ADAMTSL1: variants seen among roughly 807,000 people sequenced by gnomAD.
ADAMTSL1 encodes ADAMTS-like protein 1.
Under a neutral mutation model 201.8 loss-of-function variants are expected in ADAMTSL1, and 126 were observed. The observed-to-expected ratio is 0.62, with a 90% CI of 0.54 to 0.72. The LOEUF (loss-of-function observed/expected upper bound fraction) is 0.72. Among genes scored for constraint, ADAMTSL1 ranks in the 30% least tolerant of loss-of-function variants. The pLI, the probability that ADAMTSL1 is intolerant of heterozygous loss-of-function variation, is 0.00. For missense variants in ADAMTSL1, 2,679 were observed against 2,277.8 expected (o/e 1.18, Z -3.59); for synonymous variants, 1,121 against 903.4 (o/e 1.24, Z -4.32).
chr9:18,813,880 G>T (rs1424636145), intron 20 of ADAMTSL1, among the ~76,000 whole-genome samples: 1 of 152,142 alleles, frequency 6.6e-6, no homozygotes, highest in Non-Finnish European at 1.5e-5. Flanking sequence ...GGATATTCTT[G>T]TCTGGTTCCA....
At chr9:18,421,553 T>A (rs1173154154) in intron 2 of ADAMTSL1, among the ~76,000 whole-genome samples, 1 of 152,212 alleles carries the variant, frequency 6.6e-6, no homozygotes, top group African/African-American at 2.4e-5. Flanking sequence ...AAGCTTCCCA[T>A]GTGCTGGCTG....
At chr9:18,167,232 G>GA (rs1827674127) in intron 2 of ADAMTSL1, among the ~76,000 whole-genome samples, 1 of 151,962 alleles carries the variant, frequency 6.6e-6, no homozygotes, top group Non-Finnish European at 1.5e-5. Context: ...ATTCATTAAA[G>GA]AATGAGGTTT....
intron 2 of ADAMTSL1, among the ~76,000 whole-genome samples, chr9:18,178,836 C>G (rs1241490755): frequency 6.6e-6 from 1 of 152,132 alleles, no homozygotes; most frequent in Non-Finnish European, 1.5e-5. Context: ...GGAAGGAAAA[C>G]TAACAAACAG....
In ADAMTSL1 at chr9:18,389,715, C is replaced by A. The variant is rs570048673; in HGVS notation, c.208-115114C>A. Among the ~76,000 whole-genome samples, 43 of 152,186 alleles carry A rather than the reference C, an allele frequency of 2.8e-4. No homozygotes were observed. In the South Asian group the frequency reaches 8.5e-3, roughly 30 times the overall value. On this transcript the variant is annotated intron_variant, in intron 2 of 29. Transcript: ENST00000680146. ...TTAATTTCTGAACACAGGAGTTAAT[C>A]GTGGTGAGTACTTGATAAATAAAAA... is the stretch of plus-strand genomic sequence containing the variant.
intron 22 of ADAMTSL1, among the ~76,000 whole-genome samples, chr9:18,828,681 TATATATATATATAAA>T (rs1824765923): frequency 8.7e-6 from 1 of 115,530 alleles, no homozygotes; most frequent in South Asian, 2.8e-4. Context: ...TATATATATA[TATATATATATATAAA>T]ATGTGTGTGT....
intron 2 of ADAMTSL1, among the ~76,000 whole-genome samples, chr9:18,358,864 C>T (rs1223545319): frequency 5.9e-5 from 9 of 152,158 alleles, no homozygotes; most frequent in Admixed American, 5.2e-4. Flanking sequence ...TGTGAACTTA[C>T]ATTTTCAATT....
At chr9:18,271,498 C>G (rs1832366885) in intron 2 of ADAMTSL1, among the ~76,000 whole-genome samples, 1 of 152,128 alleles carries the variant, frequency 6.6e-6, no homozygotes, top group Non-Finnish European at 1.5e-5. Flanking sequence ...CTACAAAGGA[C>G]ATGAACTCAT....
At chr9:18,849,791 T>G (rs917007245) in intron 23 of ADAMTSL1, among the ~76,000 whole-genome samples, 1 of 152,238 alleles carries the variant, frequency 6.6e-6, no homozygotes, top group Non-Finnish European at 1.5e-5. Flanking sequence ...AATGCTTTGC[T>G]ATTAAGAAGA....
chr9:18,806,443 A>G (rs1298628674), intron 20 of ADAMTSL1, among the ~76,000 whole-genome samples: 6 of 152,200 alleles, frequency 3.9e-5, no homozygotes, highest in Admixed American at 3.9e-4. Flanking sequence ...ACTCTCTGCC[A>G]TGGCTTCTAA....
intron 7 of ADAMTSL1, among the ~76,000 whole-genome samples, chr9:18,642,987 A>AT (rs1371204789): frequency 6.6e-6 from 1 of 151,992 alleles, no homozygotes; most frequent in Middle Eastern, 3.4e-3. Context: ...TGTTTTTCAA[A>AT]TTTTTTTAGA....
Position 18,884,140 on chromosome 9 carries a change from G to T in ADAMTSL1, c.4250-3691G>T, listed in dbSNP as rs75283038. On this transcript the variant is annotated intron_variant, in intron 23 of 28. Coordinates refer to ENST00000380548, the MANE Select transcript of ADAMTSL1 (RefSeq NM_001040272.6). ...GGGTATGCAGTGGTAACTCATGGTG[G>T]CTTTAATTTGCATTTTCCTAATGAT... Among the ~76,000 whole-genome samples, 1,042 of 152,190 alleles carry T rather than the reference G, an allele frequency of 6.8e-3. 15 individuals carry two copies. Among genetic ancestry groups the T allele is most frequent in the African/African-American group, 0.023 (972 of 41,510 alleles).
At chr9:18,585,622 C>T (rs1823435905) in intron 4 of ADAMTSL1, among the ~76,000 whole-genome samples, 1 of 152,044 alleles carries the variant, frequency 6.6e-6, no homozygotes. Context: ...CATCCTGATA[C>T]CAAAACCTGG....
chr9:18,394,006 T>C (rs2133234354), intron 2 of ADAMTSL1, among the ~76,000 whole-genome samples: 1 of 152,310 alleles, frequency 6.6e-6, no homozygotes, highest in Middle Eastern at 3.4e-3. Context: ...GCTAAAAGCA[T>C]TGCAGATGAT....
At chr9:18,615,361 G>C (rs1219540700) in intron 4 of ADAMTSL1, among the ~76,000 whole-genome samples, 2 of 152,186 alleles carry the variant, frequency 1.3e-5, no homozygotes, top group Non-Finnish European at 2.9e-5. Flanking sequence ...TGTTGGGGCT[G>C]AGCCCCTTCC....
chr9:18,476,112 G>A (rs940180249), intron 1 of ADAMTSL1, among the ~76,000 whole-genome samples: 8 of 152,032 alleles, frequency 5.3e-5, no homozygotes, highest in Non-Finnish European at 1.2e-4. Context: ...AAATTAAGTG[G>A]AAATCTGAGA....
chr9:18,681,698 G>GGGGA, intron 11 of ADAMTSL1, 114 bp from the exon 12 acceptor site: 1 of 322,690 alleles, frequency 3.1e-6, no homozygotes, highest in African/African-American at 5.4e-5. Context: ...GTCCTCGTGT[G>GGGGA]GGGGGGGGGG....
chr9:18,800,377 CAAAAAAAAA>C (rs58346548), intron 20 of ADAMTSL1, among the ~76,000 whole-genome samples: 19,493 of 60,764 alleles, frequency 0.32, 1,796 homozygotes, highest in South Asian at 0.44. Flanking sequence ...AACTCCATCT[CAAAAAAAAA>C]AAAAAAAAAA....
chr9:18,585,580 TTA>T (rs1684122630), intron 4 of ADAMTSL1, among the ~76,000 whole-genome samples: 2 of 152,104 alleles, frequency 1.3e-5, no homozygotes, highest in South Asian at 4.1e-4. Context: ...ATTATTTCTA[TTA>T]TATGACACCC....
At chr9:18,203,518 C>G (rs994053221) in intron 2 of ADAMTSL1, among the ~76,000 whole-genome samples, 5 of 150,786 alleles carry the variant, frequency 3.3e-5, no homozygotes, top group African/African-American at 1.2e-4. Context: ...GATACTAGAT[C>G]AGAAAAGAAA....
Sources: allele counts gnomAD v4.1 joint callset (sites outside exome capture counted in the v4.1 genomes callset), GRCh38; gene constraint gnomAD v4.1.1; transcripts MANE v1.5; gene names NCBI Gene and HGNC (gene_info 2026-07-23, HGNC 2026-07-21).